The following SEL1L2 variants were observed in gnomAD, a reference collection of about 807,000 sequenced individuals.
SEL1L2 encodes SEL1L2 adaptor subunit of SYVN1 ubiquitin ligase, also known as protein sel-1 homolog 2.
A neutral mutation model predicts 98.8 loss-of-function variants in SEL1L2; 89 were observed. The ratio of observed to expected loss-of-function variants is 0.90; its 90% CI spans 0.76 to 1.07. SEL1L2 has a LOEUF of 1.07. Among genes scored for constraint, SEL1L2 ranks in the 50% least tolerant of loss-of-function variants. SEL1L2 has a pLI of 0.00. For synonymous variants in SEL1L2, 262 were observed against 278.5 expected, an observed-to-expected ratio of 0.94 and a Z score of 0.59; for missense variants, 788 against 812.0, an observed-to-expected ratio of 0.97 and a Z score of 0.36.
Position 13,870,005 on chromosome 20 carries a change from T to C in SEL1L2, c.1167+136A>G, listed in dbSNP as rs2046107156. 5 of 626,178 alleles carry C rather than the reference T, an allele frequency of 8.0e-6. 1 individual carries two copies. In the South Asian group the frequency reaches 1.1e-4, roughly 14 times the overall value. 38.8% of individuals were successfully genotyped at this position (626,178 alleles called of 1,614,324 possible). On this transcript the variant is annotated intron_variant, in intron 13 of 19. Transcript: ENST00000284951. ...CTTTGGCAGAGATTTCACTGGATTA[T>C]TTTATTCTCTATTATCTGATATCAC...
At chr20:13,991,411 A>G (rs1219859670), upstream of SEL1L2, among the ~76,000 whole-genome samples, 2 of 152,224 alleles carry the variant, frequency 1.3e-5, no homozygotes, top group Admixed American at 1.3e-4. Flanking sequence ...TTATTCTCTC[A>G]TAGTTCTAGA....
intron 5 of SEL1L2, among the ~76,000 whole-genome samples, chr20:13,892,129 G>A (rs372923488): frequency 6.6e-6 from 1 of 152,120 alleles, no homozygotes; most frequent in Non-Finnish European, 1.5e-5. Context: ...GATTGACATT[G>A]TCATTATCAG....
chr20:13,975,057 G>A (rs560026760), intron 1 of SEL1L2, among the ~76,000 whole-genome samples: 78 of 152,010 alleles, frequency 5.1e-4, no homozygotes, highest in African/African-American at 1.8e-3. Context: ...AAGTCTGTGG[G>A]GACAGGCTTA....
intron 10 of SEL1L2, among the ~76,000 whole-genome samples, chr20:13,880,996 C>T (rs1374168511): frequency 6.6e-6 from 1 of 152,092 alleles, no homozygotes; most frequent in Non-Finnish European, 1.5e-5. Context: ...ATGTACTGTT[C>T]TAAAAACATT....
chr20:13,960,160 T>C (rs1204398736), intron 1 of SEL1L2, among the ~76,000 whole-genome samples: 1 of 151,714 alleles, frequency 6.6e-6, no homozygotes, highest in East Asian at 1.9e-4. Flanking sequence ...CCCATTATTA[T>C]ATTCCCCAAA....
intron 12 of SEL1L2, among the ~76,000 whole-genome samples, chr20:13,874,436 C>T (rs1232285652): frequency 2.0e-5 from 3 of 152,140 alleles, no homozygotes; most frequent in East Asian, 3.8e-4. Flanking sequence ...GAAAGTAGCT[C>T]GGGTTCAGCG....
chr20:13,978,477 G>A (rs1470581913), intron 1 of SEL1L2, among the ~76,000 whole-genome samples: 3 of 152,120 alleles, frequency 2.0e-5, no homozygotes, highest in Non-Finnish European at 2.9e-5. Context: ...AAAGTAAATT[G>A]GTACAGCCAT....
chr20:13,922,106 G>A (rs1014959955), intron 3 of SEL1L2, among the ~76,000 whole-genome samples: 1 of 152,006 alleles, frequency 6.6e-6, no homozygotes, highest in African/African-American at 2.4e-5. Flanking sequence ...TAAATTAAAG[G>A]TTTTTGAAAA....
At chr20:13,975,641 T>G (rs1649820443) in intron 1 of SEL1L2, among the ~76,000 whole-genome samples, 1 of 152,240 alleles carries the variant, frequency 6.6e-6, no homozygotes, top group South Asian at 2.1e-4. Flanking sequence ...TAACTACTAT[T>G]TAATTTTATA....
intron 1 of SEL1L2, among the ~76,000 whole-genome samples, chr20:13,960,045 C>T (rs1260222118): frequency 6.6e-6 from 1 of 152,178 alleles, no homozygotes; most frequent in African/African-American, 2.4e-5. Flanking sequence ...AGAAATCAGA[C>T]ATTGTGACTG....
intron 17 of SEL1L2, among the ~76,000 whole-genome samples, chr20:13,863,414 T>A (rs1425797871): frequency 1.3e-5 from 2 of 152,170 alleles, no homozygotes; most frequent in Non-Finnish European, 2.9e-5. Context: ...GGGGATCAAC[T>A]GACAGTGGAG....
intron 10 of SEL1L2, among the ~76,000 whole-genome samples, chr20:13,884,018 G>T (rs897032487): frequency 1.3e-5 from 2 of 152,158 alleles, no homozygotes; most frequent in African/African-American, 4.8e-5. Context: ...GTCTTGGGGT[G>T]CGTATGCTTA....
chr20:13,898,034 G>T (rs2047499468), intron 5 of SEL1L2, among the ~76,000 whole-genome samples: 1 of 152,158 alleles, frequency 6.6e-6, no homozygotes, highest in Non-Finnish European at 1.5e-5. Flanking sequence ...CTGTTAGTGG[G>T]AATGTGAAAT....
intron 18 of SEL1L2, among the ~76,000 whole-genome samples, chr20:13,858,247 C>T (rs4813147): frequency 0.31 from 46,367 of 151,942 alleles, 7,763 homozygotes; most frequent in Middle Eastern, 0.48. Context: ...CTAGCACAAC[C>T]GGAAGAAAGA....
intron 3 of SEL1L2, among the ~76,000 whole-genome samples, chr20:13,921,392 G>A (rs772861830): frequency 4.6e-5 from 7 of 152,080 alleles, no homozygotes; most frequent in Middle Eastern, 3.2e-3. Context: ...GGCTGGCCTC[G>A]AGCTCCTGAC....
At chr20:13,985,764 A>G (rs1225162193) in intron 1 of SEL1L2, among the ~76,000 whole-genome samples, 1 of 152,154 alleles carries the variant, frequency 6.6e-6, no homozygotes, top group Non-Finnish European at 1.5e-5. Context: ...AACATTTTTC[A>G]TTACCCCAAA....
At chr20:13,900,594 G>T (rs2047626006) in intron 5 of SEL1L2, among the ~76,000 whole-genome samples, 1 of 152,160 alleles carries the variant, frequency 6.6e-6, no homozygotes, top group Non-Finnish European at 1.5e-5. Context: ...CCGGCCCAGG[G>T]AGGAGCTTAT....
chr20:13,977,715 C>A (rs976332401), intron 1 of SEL1L2, among the ~76,000 whole-genome samples: 1 of 152,080 alleles, frequency 6.6e-6, no homozygotes, highest in Non-Finnish European at 1.5e-5. Context: ...TCCCCTAGCT[C>A]TCCCCAGGCC....
intron 2 of SEL1L2, among the ~76,000 whole-genome samples, chr20:13,949,467 G>A (rs6042450): frequency 0.99 from 150,535 of 152,338 alleles, 74,376 homozygotes; most frequent in East Asian, 1. Context: ...GATCAAGACC[G>A]TCCTGGCTAA....
Sources: gnomAD v4.1 joint callset for allele counts (sites outside exome capture counted in the v4.1 genomes callset) on GRCh38, gnomAD v4.1.1 for gene constraint, MANE v1.5 for transcripts, NCBI Gene and HGNC (gene_info 2026-07-23, HGNC 2026-07-21) for gene names.